The following CLVS1 variants were observed in gnomAD, a reference collection of about 807,000 sequenced individuals.
The protein encoded by CLVS1 is clavesin 1, also known as clavesin-1.
Under a neutral mutation model 33.1 loss-of-function variants are expected in CLVS1, and 10 were observed. That is an observed-to-expected ratio of 0.30 (90% CI 0.19 to 0.51). The LOEUF (loss-of-function observed/expected upper bound fraction) is 0.51, where lower values mean the gene tolerates loss of function less well. CLVS1 is among the 20% of genes least tolerant of loss of function. CLVS1 has a pLI of 0.97. For missense variants in CLVS1, 343 were observed against 433.4 expected (o/e 0.79, Z 1.85); for synonymous variants, 163 against 166.1 (o/e 0.98, Z 0.14).
chr8:60,992,608 A>G, the CLVS1 span, among the ~76,000 whole-genome samples: 1,441 of 152,338 alleles, frequency 9.5e-3, 8 homozygotes, highest in Middle Eastern at 0.02. Context: ...AACAACTAGG[A>G]TAGGGGTTCT....
At chr8:61,408,967 G>A (rs1056460355) in intron 3 of CLVS1, among the ~76,000 whole-genome samples, 9 of 152,068 alleles carry the variant, frequency 5.9e-5, no homozygotes, top group East Asian at 3.9e-4. Context: ...CATCAGCATC[G>A]TTATTAATCT....
chr8:61,209,556 G>A (rs1807929958), intron 2 of CLVS1, among the ~76,000 whole-genome samples: 1 of 152,206 alleles, frequency 6.6e-6, no homozygotes, highest in South Asian at 2.1e-4. Flanking sequence ...CAGAAGAAGA[G>A]ACCAGTTTGA....
chr8:61,365,816 T>A (rs1046929293), intron 2 of CLVS1, among the ~76,000 whole-genome samples: 4 of 151,898 alleles, frequency 2.6e-5, no homozygotes, highest in African/African-American at 9.7e-5. Context: ...AATTGTGAAA[T>A]CACTCTATGT....
intron 1 of CLVS1, among the ~76,000 whole-genome samples, chr8:61,128,023 A>C (rs1806008243): frequency 6.6e-6 from 1 of 152,244 alleles, no homozygotes; most frequent in Non-Finnish European, 1.5e-5. Context: ...AGTGGGTAAA[A>C]ATGGTTATTT....
In CLVS1 at chr8:61,440,603, G is replaced by A. The variant is rs902770230; in HGVS notation, c.631-13538G>A. On this transcript the variant is annotated intron_variant, in intron 3 of 5. Transcript: ENST00000325897. ...ACAATTAGGGAATATTGTTTAGGTT[G>A]CAGCTAGGAAAGCTTCTGTGCTTGA... Among the ~76,000 whole-genome samples, 26 of 152,206 alleles carry A rather than the reference G, an allele frequency of 1.7e-4. 1 individual carries two copies. The highest frequency in any genetic ancestry group is 8.8e-5 in the Non-Finnish European group (6 of 68,038).
intron 2 of CLVS1, among the ~76,000 whole-genome samples, chr8:61,144,810 T>C: frequency 6.6e-6 from 1 of 152,224 alleles, no homozygotes; most frequent in Non-Finnish European, 1.5e-5. Flanking sequence ...TGACCAATAA[T>C]CCTCCGCTTC....
chr8:61,145,487 G>A (rs1343674834), intron 2 of CLVS1, among the ~76,000 whole-genome samples: 1 of 152,204 alleles, frequency 6.6e-6, no homozygotes, highest in Non-Finnish European at 1.5e-5. Flanking sequence ...TTCAAAACTA[G>A]GTTTAAGCTG....
the CLVS1 span, among the ~76,000 whole-genome samples, chr8:61,032,211 C>A: frequency 1.3e-5 from 2 of 152,096 alleles, no homozygotes; most frequent in Admixed American, 1.3e-4. Flanking sequence ...GAGACTGTGC[C>A]CTGGGGACAG....
intron 2 of CLVS1, among the ~76,000 whole-genome samples, chr8:61,331,947 T>G (rs1811618311): frequency 6.6e-6 from 1 of 152,096 alleles, no homozygotes; most frequent in African/African-American, 2.4e-5. Flanking sequence ...AATCATCCCT[T>G]GGATGGGGTG....
intron 1 of CLVS1, among the ~76,000 whole-genome samples, chr8:61,062,802 G>C (rs770610107): frequency 6.6e-6 from 1 of 152,130 alleles, no homozygotes; most frequent in Non-Finnish European, 1.5e-5. Flanking sequence ...AAATGTCTGC[G>C]ATTAGGTTAT....
chr8:61,101,060 A>G (rs74439434), intron 1 of CLVS1, among the ~76,000 whole-genome samples: 1 of 152,302 alleles, frequency 6.6e-6, no homozygotes, highest in East Asian at 1.9e-4. Context: ...TTTTATGTAC[A>G]AATGTTTCAT....
At chr8:61,371,432 C>T (rs1813433129) in intron 2 of CLVS1, among the ~76,000 whole-genome samples, 2 of 152,202 alleles carry the variant, frequency 1.3e-5, no homozygotes, top group South Asian at 4.2e-4. Context: ...TTTTCTCCCA[C>T]TTTGTGGGTT....
chr8:61,392,805 T>G (rs1430722355), intron 3 of CLVS1, among the ~76,000 whole-genome samples: 3 of 150,802 alleles, frequency 2.0e-5, no homozygotes, highest in Admixed American at 2.0e-4. Flanking sequence ...ATTGCACCAC[T>G]GCACTCCAGC....
At chr8:61,462,211 T>G (rs979930931) in intron 5 of CLVS1, among the ~76,000 whole-genome samples, 1 of 152,228 alleles carries the variant, frequency 6.6e-6, no homozygotes, top group Non-Finnish European at 1.5e-5. Context: ...CAAAGTCCTG[T>G]TAATGTGGAT....
At chr8:61,165,354 A>G (rs2129297360) in intron 2 of CLVS1, among the ~76,000 whole-genome samples, 1 of 152,362 alleles carries the variant, frequency 6.6e-6, no homozygotes, top group African/African-American at 2.4e-5. Flanking sequence ...GAGTGAAAAC[A>G]GAGCTCCCAT....
intron 3 of CLVS1, among the ~76,000 whole-genome samples, chr8:61,388,388 T>C (rs1437081964): frequency 6.6e-6 from 1 of 150,998 alleles, no homozygotes; most frequent in Admixed American, 6.6e-5. Context: ...CTTGATATCA[T>C]ATCTGTTTGT....
At chr8:61,032,842 G>A in the CLVS1 span, among the ~76,000 whole-genome samples, 2 of 151,958 alleles carry the variant, frequency 1.3e-5, no homozygotes, top group East Asian at 1.9e-4. Context: ...AAATCCAATA[G>A]GAAGTATTGC....
chr8:61,310,416 A>G (rs910083849), intron 2 of CLVS1, among the ~76,000 whole-genome samples: 1 of 152,200 alleles, frequency 6.6e-6, no homozygotes, highest in Non-Finnish European at 1.5e-5. Flanking sequence ...GCAAGATCTC[A>G]GACCTAATTT....
At chr8:61,177,558 A>C (rs1807141696) in intron 2 of CLVS1, among the ~76,000 whole-genome samples, 1 of 152,062 alleles carries the variant, frequency 6.6e-6, no homozygotes, top group Non-Finnish European at 1.5e-5. Flanking sequence ...GTTGTCAGAC[A>C]CCCTATACAG....
Sources: gnomAD v4.1 joint callset for allele counts (sites outside exome capture counted in the v4.1 genomes callset) on GRCh38, gnomAD v4.1.1 for gene constraint, MANE v1.5 for transcripts, NCBI Gene and HGNC (gene_info 2026-07-23, HGNC 2026-07-21) for gene names.